FMR1: variants seen among roughly 807,000 people sequenced by gnomAD.
FMR1 encodes the protein fragile X messenger ribonucleoprotein 1.
In FMR1, 13 loss-of-function variants were observed where a neutral mutation model predicts 50.6. The ratio of observed to expected loss-of-function variants is 0.26; its 90% confidence interval spans 0.17 to 0.41. The LOEUF is 0.41. Among genes scored for constraint, FMR1 ranks in the 10% least tolerant of loss-of-function variants. FMR1 has a pLI of 1.00. For missense variants in FMR1, 316 were observed against 491.3 expected (o/e 0.64, Z 3.37); for synonymous variants, 138 against 164.1 (o/e 0.84, Z 1.22).
chrX:147,934,205 GT>G (rs548035697), intron 9 of FMR1, among the ~76,000 whole-genome samples: 87 of 99,968 alleles, frequency 8.7e-4, no homozygotes, highest in Middle Eastern at 5.1e-3. Context: ...TAGTTGTTTT[GT>G]TTTTTTTTTT....
Position 147,912,120 on chromosome X carries a change from G to T in FMR1, c.-60G>T. The T allele has an allele frequency of 1.3e-6, 1 of 745,480 alleles. No homozygotes were observed. The highest frequency in any genetic ancestry group is 1.7e-6 in the Non-Finnish European group (1 of 603,025). 61.4% of individuals were successfully genotyped at this position (745,480 alleles called of 1,213,427 possible). A position where few individuals can be genotyped will look rare whatever the true frequency, so the allele number is the denominator to read the frequency against. ...GCGGCGGCGGCGGCGGCTGGGCCTC[G>T]AGCGCCCGCAGCCCACCTCTCGGGG... On this transcript the variant is annotated 5_prime_UTR_variant, in exon 1 of 17. Transcript: ENST00000370475.
intron 9 of FMR1, among the ~76,000 whole-genome samples, chrX:147,934,812 G>T (rs2043732682): frequency 8.9e-6 from 1 of 112,029 alleles, no homozygotes; most frequent in Admixed American, 9.5e-5. Context: ...GTAAGATTCT[G>T]CAAGGCAGAT....
chrX:147,950,960 G>A lies in FMR1; in HGVS notation c.*2116G>A. The A allele has an allele frequency of 3.7e-6, 1 of 268,105 alleles. No homozygotes were observed. The highest frequency in any genetic ancestry group is 7.0e-6 in the Non-Finnish European group (1 of 142,355). The allele number at this position is 268,105 out of a possible 1,213,427, so 22.1% of individuals were successfully genotyped here. On this transcript the variant is annotated 3_prime_UTR_variant, in exon 17 of 17. Coordinates refer to ENST00000370475, the MANE Select transcript of FMR1 (RefSeq NM_002024.6). ...TACTTTGATTCACATGTTTTCAAAT[G>A]GAGTTGGAGTTCATTCATATTACAA... is the stretch of plus-strand genomic sequence containing the variant.
intron 3 of FMR1, among the ~76,000 whole-genome samples, chrX:147,926,574 G>A (rs1362716990): frequency 9.1e-6 from 1 of 110,212 alleles, no homozygotes; most frequent in African/African-American, 3.3e-5. Context: ...TGCAACCTCC[G>A]CCTCCCGGGT....
At position 147,938,855 on chromosome X, in the gene FMR1, C is replaced by G. The variant is rs29287; in HGVS notation, c.1188+694C>G. ...TTCCAGAACACAGAGTAACTTTTTT[C>G]TGGGGTCCGTACTAAAGGCCATCAT... On this transcript the variant is annotated intron_variant, in intron 12 of 16. Coordinates refer to ENST00000370475, the MANE Select transcript of FMR1 (RefSeq NM_002024.6). 3.0e-3 allele frequency among the ~76,000 whole-genome samples: 330 copies of G among 111,620 alleles called. 1 individual carries two copies. Among genetic ancestry groups the G allele is most frequent in the South Asian group, 7.8e-3 (21 of 2,676 alleles).
chrX:147,932,255 G>A (rs781998340), intron 7 of FMR1, among the ~76,000 whole-genome samples, 170 bp from the exon 8 acceptor site: 2 of 111,841 alleles, frequency 1.8e-5, no homozygotes, highest in South Asian at 7.4e-4. Flanking sequence ...AACCTAAAAA[G>A]TACTTAGGCT....
chrX:147,943,446 G>A, intron 14 of FMR1, 120 bp downstream of exon 14: 4 of 647,090 alleles, frequency 6.2e-6, no homozygotes, highest in Non-Finnish European at 1.0e-5. Context: ...CCAATTCACA[G>A]TGGGTTAAAT....
At chrX:147,914,092 C>T (rs2042731253) in intron 1 of FMR1, 1 of 112,321 alleles carries the variant, frequency 8.9e-6, no homozygotes, top group South Asian at 3.6e-4. Flanking sequence ...TAAGAAATGC[C>T]TTCTATTTTT....
At chrX:147,924,689 T>A (rs1407964975) in intron 2 of FMR1, among the ~76,000 whole-genome samples, 1 of 103,844 alleles carries the variant, frequency 9.6e-6, no homozygotes, top group Non-Finnish European at 2.0e-5. Flanking sequence ...TTTTTTTTTT[T>A]AATAATTTGT....
In FMR1 at chrX:147,913,040, A is replaced by G. The variant is rs782607774; in HGVS notation, c.51+810A>G. On this transcript the variant is annotated intron_variant, in intron 1 of 16. Transcript: ENST00000370475. ...CTTAAAAATTGTGTGTGTGTGTTTAAGTTTCCAAAGACCTAAATATATGCC... is the reference window on the plus strand; with the variant it reads ...CTTAAAAATTGTGTGTGTGTGTTTAGGTTTCCAAAGACCTAAATATATGCC... 13 of 219,666 alleles carry G rather than the reference A, an allele frequency of 5.9e-5. No homozygotes were observed. In the South Asian group the frequency reaches 2.8e-3, roughly 48 times the overall value. The allele number at this position is 219,666 out of a possible 1,213,427, so 18.1% of individuals were successfully genotyped here. A position where few individuals can be genotyped will look rare whatever the true frequency, so the allele number is the denominator to read the frequency against.
rs1437744467 is a variant in FMR1 at position 147,915,183 on chromosome X, TTAG to T, written c.51+2959_51+2961del. Among the ~76,000 whole-genome samples the T allele has an allele frequency of 2.7e-5, 3 of 111,798 alleles. No individual in the cohort carries two copies. In the East Asian group the frequency reaches 8.4e-4, roughly 31 times the overall value. ...TGTTTGAGGACAGACTTTCATTTGG[TTAG>T]TAGTATTATGGCAGCTAGCAGCTAA... is the stretch of plus-strand genomic sequence containing the variant. On this transcript the variant is annotated intron_variant, in intron 1 of 16. Coordinates refer to ENST00000370475, the MANE Select transcript of FMR1 (RefSeq NM_002024.6).
intron 1 of FMR1, among the ~76,000 whole-genome samples, chrX:147,920,781 A>C (rs2043123472): frequency 8.9e-6 from 1 of 112,042 alleles, no homozygotes; most frequent in Admixed American, 9.5e-5. Flanking sequence ...TCTCCCGTTG[A>C]AGTTGACATC....
intron 9 of FMR1, among the ~76,000 whole-genome samples, chrX:147,934,485 A>G (rs1464129336): frequency 9.0e-6 from 1 of 111,727 alleles, no homozygotes; most frequent in Non-Finnish European, 1.9e-5. Context: ...AATTCTGGAC[A>G]CAGTAGGGGA....
At chrX:147,934,017 G>A (rs1312037755) in intron 9 of FMR1, among the ~76,000 whole-genome samples, 1 of 112,325 alleles carries the variant, frequency 8.9e-6, no homozygotes, top group Non-Finnish European at 1.9e-5. Context: ...AAGGTAACTT[G>A]CATACCAATT....
At chrX:147,918,555 C>CTTTTTTTTTTTTTTTTTTTTTTTTTTTTT (rs368581020) in intron 1 of FMR1, among the ~76,000 whole-genome samples, 2 of 47,279 alleles carry the variant, frequency 4.2e-5, no homozygotes, top group African/African-American at 1.1e-4. Context: ...CCTGCAAAAG[C>CTTTTTTTTTTTTTTTTTTTTTTTTTTTTT]TTTTTTTTTT....
intron 12 of FMR1, among the ~76,000 whole-genome samples, chrX:147,939,408 A>G (rs2043902555): frequency 9.0e-6 from 1 of 111,574 alleles, no homozygotes; most frequent in Non-Finnish European, 1.9e-5. Flanking sequence ...TTCAGAGTAC[A>G]TTATTGAAAT....
intron 3 of FMR1, among the ~76,000 whole-genome samples, chrX:147,926,913 G>GA (rs1365139211): frequency 3.7e-5 from 4 of 109,366 alleles, no homozygotes; most frequent in South Asian, 3.8e-4. Flanking sequence ...GAGTCTTAAA[G>GA]AAAAAAAAAG....
intron 13 of FMR1, among the ~76,000 whole-genome samples, chrX:147,941,073 GT>G (rs1363404297): frequency 3.6e-5 from 4 of 111,715 alleles, no homozygotes; most frequent in African/African-American, 1.3e-4. Flanking sequence ...GAAGTTCTTT[GT>G]TTAAATGTTT....
In FMR1 at chrX:147,912,142, G is replaced by A; in HGVS notation, c.-38G>A. 1 of 1,059,273 alleles carries A rather than the reference G, an allele frequency of 9.4e-7. No homozygotes were observed. The highest frequency in any genetic ancestry group is 3.9e-5 in the East Asian group (1 of 25,740). 87.3% of individuals were successfully genotyped at this position (1,059,273 alleles called of 1,213,427 possible). A position where few individuals can be genotyped will look rare whatever the true frequency, so the allele number is the denominator to read the frequency against. On this transcript the variant is annotated 5_prime_UTR_variant, in exon 1 of 17. Coordinates refer to ENST00000370475, the MANE Select transcript of FMR1 (RefSeq NM_002024.6). ...CTCGAGCGCCCGCAGCCCACCTCTCGGGGGCGGGCTCCCGGCGCTAGCAGG... is the reference window on the plus strand; with the variant it reads ...CTCGAGCGCCCGCAGCCCACCTCTCAGGGGCGGGCTCCCGGCGCTAGCAGG...
Sources: gnomAD v4.1 joint callset for allele counts (sites outside exome capture counted in the v4.1 genomes callset) on GRCh38, gnomAD v4.1.1 for gene constraint, MANE v1.5 for transcripts, NCBI Gene and HGNC (gene_info 2026-07-23, HGNC 2026-07-21) for gene names.